GPR179: variants seen among roughly 807,000 people sequenced by gnomAD.
GPR179 encodes the protein probable G protein-coupled receptor 179.
Under a neutral mutation model 70.8 loss-of-function variants are expected in GPR179, and 52 were observed. The observed-to-expected ratio is 0.73, with a 90% CI of 0.59 to 0.93. The LOEUF (loss-of-function observed/expected upper bound fraction) is 0.93. GPR179 is among the 40% of genes least tolerant of loss of function. The probability of loss-of-function intolerance (pLI) is 0.00; values close to 1 mark genes in which losing one functional copy is unlikely to be tolerated. For synonymous variants in GPR179, 1,123 were observed against 1,169.0 expected (o/e 0.96, Z 0.80); for missense variants, 2,734 against 2,966.8 (o/e 0.92, Z 1.82).
Position 38,331,498 on chromosome 17 carries a change from C to T in GPR179, c.2071G>A (p.Val691Ile), listed in dbSNP as rs1473301384. 6.2e-7 allele frequency: 1 copy of T among 1,612,720 alleles called. No homozygotes were observed. Among genetic ancestry groups the T allele is most frequent in the African/African-American group, 1.3e-5 (1 of 74,922 alleles). The change falls in exon 11 of 11, where the codon GTC becomes ATC. Residue 691 changes from valine to isoleucine, a missense_variant. Val to Ile is a conservative substitution (Grantham distance 29). Transcript: ENST00000616987. ...GCGGCCATTTCCTTGGTTTTGTGGA[C>T]CTCTAGCTGGGCATAGAGCTTCTTC... ...ELKKLYAQLE[V>I]HKTKEMAANN...
chr17:38,342,667 A>G (rs574381752), intron 1 of GPR179, among the ~76,000 whole-genome samples: 2 of 152,360 alleles, frequency 1.3e-5, no homozygotes, highest in South Asian at 4.1e-4. Flanking sequence ...ACACATGTGT[A>G]TACCTGCATA....
In GPR179 at chr17:38,327,784, T is replaced by C. The variant is rs1252481471; in HGVS notation, c.5785A>G (p.Ile1929Val). The C allele has an allele frequency of 1.2e-6, 2 of 1,614,198 alleles. No homozygotes were observed. ...GCAGCTGGAGCTTTTTCTTGGGTTA[T>C]GTGTTCTGGGAAGGAACCTGTCTTT... Reference protein sequence around the residue: ...DPKTGSFPEHITQEKAPAADT... With the variant: ...DPKTGSFPEHVTQEKAPAADT... The change falls in exon 11 of 11, where the codon ATA (isoleucine) becomes GTA (valine). Residue 1929 changes from isoleucine (I) to valine (V), a missense_variant. Transcript: ENST00000616987.
chr17:38,329,365 G>A lies in GPR179; in HGVS notation c.4204C>T (p.Leu1402Phe), dbSNP rs2037326906. The A allele has an allele frequency of 3.1e-6, 5 of 1,614,022 alleles. No homozygotes were observed. Among genetic ancestry groups the A allele is most frequent in the Non-Finnish European group, 4.2e-6 (5 of 1,179,974 alleles). The change falls in exon 11 of 11, where the codon CTC (leucine) becomes TTC (phenylalanine). Residue 1402 changes from leucine to phenylalanine, a missense_variant. Leu to Phe is a conservative substitution (Grantham distance 22). Coordinates refer to ENST00000616987, the MANE Select transcript of GPR179 (RefSeq NM_001004334.4). ...GKPAQEAVKD[L>F]PQEKQKTRKA... ...CTGGTTTTCTGCTTTTCCTGAGGGAGATCCTTCACTGCCTCTTGGGCTGGT... is the reference window on the plus strand; with the variant it reads ...CTGGTTTTCTGCTTTTCCTGAGGGAAATCCTTCACTGCCTCTTGGGCTGGT...
rs150772690 is a variant in GPR179, at chr17:38,339,529, C to A, written c.795-4G>T. ...TACGTCCATCTGCACCTGCCCCCTACGGCAGTGAATTGGCAATTAGGGGCA... is the reference window on the plus strand; with the variant it reads ...TACGTCCATCTGCACCTGCCCCCTAAGGCAGTGAATTGGCAATTAGGGGCA... On this transcript the variant is annotated splice_region_variant and splice_polypyrimidine_tract_variant and intron_variant, in intron 1 of 10. Transcript: ENST00000616987. 6.2e-7 allele frequency: 1 copy of A among 1,609,542 alleles called. No individual in the cohort carries two copies. Among genetic ancestry groups the A allele is most frequent in the African/African-American group, 1.3e-5 (1 of 74,840 alleles).
intron 3 of GPR179, 75 bp downstream of exon 3, chr17:38,337,558 T>G: frequency 7.6e-7 from 1 of 1,320,450 alleles, no homozygotes; most frequent in Non-Finnish European, 1.1e-6. Context: ...CCAATCTGGC[T>G]TTCTTCCCCA....
intron 9 of GPR179, among the ~76,000 whole-genome samples, 194 bp downstream of exon 9, chr17:38,333,739 C>T (rs901629357): frequency 3.3e-5 from 5 of 152,200 alleles, no homozygotes; most frequent in African/African-American, 1.2e-4. Context: ...TTTCCCTTGC[C>T]CAGGAACTGG....
At chr17:38,331,621 T>C in intron 10 of GPR179, 90 bp from the exon 11 acceptor site, 1 of 1,506,624 alleles carries the variant, frequency 6.6e-7, no homozygotes, top group Non-Finnish European at 8.9e-7. Context: ...TAGACCTTTT[T>C]CCCTTAGGGA....
chr17:38,331,277 C>T lies in GPR179; in HGVS notation c.2292G>A (p.Gly764=), dbSNP rs1201373253. ...LLSSSLQEPE[G]TPALHKSRST... The stretch of plus-strand genomic sequence containing the variant: ...TGCGGGACTTGTGCAGAGCTGGTGT[C>T]CCCTCGGGTTCCTGGAGGCTGGAGC... The change falls in exon 11 of 11, where the codon GGG becomes GGA. Residue 764 remains glycine (G), a synonymous_variant. Coordinates refer to ENST00000616987, the MANE Select transcript of GPR179 (RefSeq NM_001004334.4). 6.3e-7 allele frequency: 1 copy of T among 1,594,220 alleles called. No individual in the cohort carries two copies. The highest frequency in any genetic ancestry group is 8.5e-7 in the Non-Finnish European group (1 of 1,171,128).
At chr17:38,336,699 A>T (rs1336120530) in intron 4 of GPR179, among the ~76,000 whole-genome samples, 2 of 152,178 alleles carry the variant, frequency 1.3e-5, no homozygotes, top group Non-Finnish European at 2.9e-5. Context: ...TTAAACTGGG[A>T]ACTCCATGCA....
At chr17:38,333,140 G>A (rs2037373606) in intron 10 of GPR179, 111 bp downstream of exon 10, 3 of 937,402 alleles carry the variant, frequency 3.2e-6, no homozygotes, top group Non-Finnish European at 3.3e-6. Flanking sequence ...GGCAGGTCTT[G>A]GAGGGAAGAG....
At position 38,337,656 on chromosome 17, in the gene GPR179, A is replaced by ATCTACACTCCGCAT; in HGVS notation, c.967_968insATGCGGAGTGTAGA (p.Phe323TyrfsTer15). 1.2e-6 allele frequency: 2 copies of ATCTACACTCCGCAT among 1,606,592 alleles called. No individual in the cohort carries two copies. Among genetic ancestry groups the ATCTACACTCCGCAT allele is most frequent in the Admixed American group, 3.4e-5 (2 of 58,906 alleles). ...ACCCCCAGAGGGGCTTGCCCCGTAG[A>ATCTACACTCCGCAT]ATCCAGGTCGGCAGCGGCAGAGGTA... On this transcript the variant is annotated frameshift_variant, in exon 3 of 11. Transcript: ENST00000616987. LOFTEE classifies it high-confidence loss of function.
chr17:38,337,662 G>GCTTTC lies in GPR179; in HGVS notation c.961_962insGAAAG (p.Pro321ArgfsTer14). 1 of 1,598,630 alleles carries GCTTTC rather than the reference G, an allele frequency of 6.3e-7. No individual in the cohort carries two copies. The highest frequency in any genetic ancestry group is 8.5e-7 in the Non-Finnish European group (1 of 1,173,002). On this transcript the variant is annotated frameshift_variant, in exon 3 of 11. Coordinates refer to ENST00000616987, the MANE Select transcript of GPR179 (RefSeq NM_001004334.4). LOFTEE classifies it high-confidence loss of function. ...AGAGGGGCTTGCCCCGTAGAATCCA[G>GCTTTC]GTCGGCAGCGGCAGAGGTAGCGGCC...
At chr17:38,336,875 C>T (rs1597667928) in intron 4 of GPR179, 103 bp downstream of exon 4, 5 of 1,224,056 alleles carry the variant, frequency 4.1e-6, no homozygotes, top group Non-Finnish European at 5.7e-6. Flanking sequence ...GATTTAGAAT[C>T]AAGATTAGAA....
chr17:38,330,437 C>T lies in GPR179; in HGVS notation c.3132G>A (p.Glu1044=), dbSNP rs768846087. 7.6e-6 allele frequency: 12 copies of T among 1,581,214 alleles called. No individual in the cohort carries two copies. The East Asian group carries it at 1.8e-4, about 24-fold the overall frequency. ...GTGCATCCTCTGCGTCCATCTCATT[C>T]TCCCCAGCCCTGCTTTTCTCTACTG... is the stretch of plus-strand genomic sequence containing the variant. ...SVAVEKSRAG[E]NEMDAEDAHH... The change falls in exon 11 of 11, where the codon GAG becomes GAA. Residue 1044 remains glutamate, a synonymous_variant. Coordinates refer to ENST00000616987, the MANE Select transcript of GPR179 (RefSeq NM_001004334.4).
intron 2 of GPR179, 46 bp downstream of exon 2, chr17:38,339,371 A>T (rs1405838238): frequency 7.5e-6 from 9 of 1,203,428 alleles, no homozygotes; most frequent in African/African-American, 1.5e-5. Flanking sequence ...GGAAAAGGGG[A>T]GGGAGGCAGG....
Position 38,331,403 on chromosome 17 carries a change from G to A in GPR179, c.2166C>T (p.Tyr722=). The stretch of plus-strand genomic sequence containing the variant: ...CCAGGGCCTCGGGGAATTCCGCCAG[G>A]TACCTCATGAAGGAGCGGCCCAGTC... ...CQGLGRSFMR[Y]LAEFPEALAR... is the part of the protein sequence containing the mutation. Residue 722 remains tyrosine, a synonymous_variant, in exon 11 of 11, where the codon TAC becomes TAT. Transcript: ENST00000616987. The A allele has an allele frequency of 6.2e-7, 1 of 1,614,148 alleles. No homozygotes were observed. The highest frequency in any genetic ancestry group is 8.5e-7 in the Non-Finnish European group (1 of 1,179,998).
Position 38,333,326 on chromosome 17 carries a change from C to A in GPR179, c.1962G>T (p.Gln654His), listed in dbSNP as rs771551813. ...DEVCEDELDL[Q>H]HSGSYLGSSI... ...TGCTGCCAAGGTAGGAGCCTGAGTG[C>A]TGCAGGTCCAGCTCGTCCTCACACA... The change falls in exon 10 of 11, where the codon CAG becomes CAT. Residue 654 changes from glutamine to histidine, a missense_variant. Physicochemically the swap from Gln to His is conservative, Grantham distance 24 (BLOSUM62 0). Coordinates refer to ENST00000616987, the MANE Select transcript of GPR179 (RefSeq NM_001004334.4). The A allele has an allele frequency of 6.2e-7, 1 of 1,614,054 alleles. No homozygotes were observed. The highest frequency in any genetic ancestry group is 1.1e-5 in the South Asian group (1 of 91,080).
rs1226370631 is a variant in GPR179, at chr17:38,329,467, G to A, written c.4102C>T (p.Pro1368Ser). Reference protein sequence around the residue: ...VEKPGWEAAGPEAHTPDITKA... With the variant: ...VEKPGWEAAGSEAHTPDITKA... ...GTGATGTCAGGGGTATGAGCTTCTG[G>A]GCCAGCAGCTTCCCACCCAGGCTTC... is the stretch of plus-strand genomic sequence containing the variant. Residue 1368 changes from proline to serine, a missense_variant, in exon 11 of 11, where the codon CCA becomes TCA. Physicochemically the swap from Pro to Ser is moderately conservative, Grantham distance 74. Coordinates refer to ENST00000616987, the MANE Select transcript of GPR179 (RefSeq NM_001004334.4). The A allele has an allele frequency of 6.2e-7, 1 of 1,613,936 alleles. No homozygotes were observed. Among genetic ancestry groups the A allele is most frequent in the Admixed American group, 1.7e-5 (1 of 59,984 alleles).
At chr17:38,341,834 T>G (rs991947264) in intron 1 of GPR179, among the ~76,000 whole-genome samples, 1 of 152,050 alleles carries the variant, frequency 6.6e-6, no homozygotes, top group African/African-American at 2.4e-5. Context: ...GAGTTTTCCT[T>G]CCGCTGGGTG....
Sources: gnomAD v4.1 joint callset for allele counts (sites outside exome capture counted in the v4.1 genomes callset) on GRCh38, gnomAD v4.1.1 for gene constraint, MANE v1.5 for transcripts, NCBI Gene and HGNC (gene_info 2026-07-23, HGNC 2026-07-21) for gene names.